Variants in NECTIN3 observed in about 807,000 individuals in gnomAD.
NECTIN3 encodes nectin cell adhesion molecule 3.
In NECTIN3, 8 loss-of-function variants were observed where a neutral mutation model predicts 49.4. The observed-to-expected ratio is 0.16, with a 90% CI of 0.10 to 0.29. NECTIN3 has a LOEUF of 0.29. NECTIN3 is among the 10% of genes least tolerant of loss of function. The pLI is 1.00. For synonymous variants in NECTIN3, 277 were observed against 241.1 expected (o/e 1.15, Z -1.38); for missense variants, 581 against 654.6 (o/e 0.89, Z 1.23).
At chr3:111,126,389 A>G (rs1258482887) in intron 5 of NECTIN3, 54 bp downstream of exon 5, 2 of 1,417,768 alleles carry the variant, frequency 1.4e-6, no homozygotes, top group African/African-American at 1.4e-5. Context: ...CTGAATAATC[A>G]TAGTAACAAT....
At chr3:111,171,944 G>A (rs940511680) in intron 7 of NECTIN3, among the ~76,000 whole-genome samples, 2 of 152,128 alleles carry the variant, frequency 1.3e-5, no homozygotes, top group African/African-American at 4.8e-5. Context: ...ACTGACAAGA[G>A]TTACCTAAAT....
At chr3:111,169,168 C>T (rs1172583852) in intron 7 of NECTIN3, among the ~76,000 whole-genome samples, 2 of 138,620 alleles carry the variant, frequency 1.4e-5, no homozygotes, top group Non-Finnish European at 3.0e-5. Context: ...TGGCTTACTG[C>T]AAGCTCCACC....
chr3:111,077,895 C>T (rs1261637818), intron 1 of NECTIN3, among the ~76,000 whole-genome samples: 1 of 151,992 alleles, frequency 6.6e-6, no homozygotes, highest in Non-Finnish European at 1.5e-5. Context: ...TAATGCAAGC[C>T]ATGTAATTTC....
intron 7 of NECTIN3, among the ~76,000 whole-genome samples, chr3:111,153,801 G>A (rs1052521729): frequency 6.6e-6 from 1 of 152,018 alleles, no homozygotes; most frequent in African/African-American, 2.4e-5. Context: ...TTGATTCATA[G>A]TAGTGTTTAG....
At position 111,085,466 on chromosome 3, in the gene NECTIN3, C is replaced by T. The variant is rs140308126; in HGVS notation, c.160+13289C>T. Among the ~76,000 whole-genome samples the T allele has an allele frequency of 2.6e-5, 4 of 152,184 alleles. No individual in the cohort carries two copies. In the East Asian group the frequency reaches 7.7e-4, roughly 29 times the overall value. On this transcript the variant is annotated intron_variant, in intron 1 of 5. Coordinates refer to ENST00000485303, the MANE Select transcript of NECTIN3 (RefSeq NM_015480.3). The stretch of plus-strand genomic sequence containing the variant: ...TCAGAAAAATACATACATAAATGTG[C>T]GGTTGGATGAACTGTTAAAATGTGA...
In NECTIN3 at chr3:111,136,240, A is replaced by G. The variant is rs1265255580; in HGVS notation, c.*2025A>G. 1 of 959,924 alleles carries G rather than the reference A, an allele frequency of 1.0e-6. No individual in the cohort carries two copies. Among genetic ancestry groups the G allele is most frequent in the East Asian group, 1.2e-4 (1 of 8,694 alleles). The allele number at this position is 959,924 out of a possible 1,614,324, so 59.5% of individuals were successfully genotyped here. On this transcript the variant is annotated 3_prime_UTR_variant, in exon 6 of 6. Transcript: ENST00000485303. Reference sequence around the variant, plus strand: ...CATTTAGGATTCTATATAAATCTCAACTGGAGTATAATCTGAAGGAAATTA... The same window carrying G: ...CATTTAGGATTCTATATAAATCTCAGCTGGAGTATAATCTGAAGGAAATTA...
At chr3:111,184,635 AT>A (rs1428474701) in intron 7 of NECTIN3, among the ~76,000 whole-genome samples, 17 of 152,106 alleles carry the variant, frequency 1.1e-4, no homozygotes, top group Admixed American at 1.1e-3. Context: ...AAGACATGTT[AT>A]TTCTGGTTTA....
At chr3:111,192,775 C>CGTTCCCCA (rs1311435232) in intron 1 of NECTIN3, among the ~76,000 whole-genome samples, 7 of 152,236 alleles carry the variant, frequency 4.6e-5, no homozygotes, top group Non-Finnish European at 8.8e-5. Flanking sequence ...TTGCTGTGTC[C>CGTTCCCCA]GTTCCCCAGT....
rs565708478 is a variant in NECTIN3 at position 111,094,246 on chromosome 3, CTT to C, written c.161-17783_161-17782del. On this transcript the variant is annotated intron_variant, in intron 1 of 5. Transcript: ENST00000485303. ...GTAATTTTTATTTTATGTCTATTGA[CTT>C]ATTTTATATTTACTATACTCTTATA... Among the ~76,000 whole-genome samples the C allele has an allele frequency of 2.5e-3, 386 of 151,816 alleles. 2 individuals carry two copies. Among genetic ancestry groups the C allele is most frequent in the African/African-American group, 8.7e-3 (361 of 41,420 alleles).
At chr3:111,108,387 G>T (rs2033303653) in intron 1 of NECTIN3, among the ~76,000 whole-genome samples, 1 of 151,842 alleles carries the variant, frequency 6.6e-6, no homozygotes, top group Admixed American at 6.6e-5. Context: ...ATACAATTTT[G>T]AACCAATGGG....
At position 111,071,989 on chromosome 3, in the gene NECTIN3, G is replaced by A; in HGVS notation, c.-29G>A. 7.1e-7 allele frequency: 1 copy of A among 1,417,264 alleles called. No homozygotes were observed. The highest frequency in any genetic ancestry group is 9.2e-7 in the Non-Finnish European group (1 of 1,082,614). 87.8% of individuals were successfully genotyped at this position (1,417,264 alleles called of 1,614,324 possible). On this transcript the variant is annotated 5_prime_UTR_variant, in exon 1 of 6. Coordinates refer to ENST00000485303, the MANE Select transcript of NECTIN3 (RefSeq NM_015480.3). ...GGGCCGGGGGAGCCGGGGGGCGGGC[G>A]GGCGAGCGGGCCGGGGGGAGGGTGG...
Position 111,135,828 on chromosome 3 carries a change from A to G in NECTIN3, c.*1613A>G. 1.1e-6 allele frequency: 1 copy of G among 929,392 alleles called. No individual in the cohort carries two copies. The highest frequency in any genetic ancestry group is 1.3e-6 in the Non-Finnish European group (1 of 779,412). The allele number at this position is 929,392 out of a possible 1,614,324, so 57.6% of individuals were successfully genotyped here. A position where few individuals can be genotyped will look rare whatever the true frequency, so the allele number is the denominator to read the frequency against. The stretch of plus-strand genomic sequence containing the variant: ...TTATAAACTAGTTTTCTTCATTTTA[A>G]CTAGCACTATTTTGTGGAAATTAGA... On this transcript the variant is annotated 3_prime_UTR_variant, in exon 6 of 6. Transcript: ENST00000485303.
intron 5 of NECTIN3, among the ~76,000 whole-genome samples, chr3:111,144,515 ATGTC>A (rs1024331560): frequency 1.3e-4 from 20 of 152,108 alleles, no homozygotes; most frequent in African/African-American, 4.3e-4. Context: ...AAAGTGCTAA[ATGTC>A]TGTATTACTG....
rs116472036 is a variant in NECTIN3, at chr3:111,078,436, A to C, written c.160+6259A>C. On this transcript the variant is annotated intron_variant, in intron 1 of 5. Coordinates refer to ENST00000485303, the MANE Select transcript of NECTIN3 (RefSeq NM_015480.3). The stretch of plus-strand genomic sequence containing the variant: ...CTAGTCTCAGAAGGTAGGTTTTTGG[A>C]AGAAAAAGTACCATGTTTTAATACA... Among the ~76,000 whole-genome samples, 217 of 152,280 alleles carry C rather than the reference A, an allele frequency of 1.4e-3. 2 individuals carry two copies. Among genetic ancestry groups the C allele is most frequent in the Non-Finnish European group, 2.4e-3 (166 of 68,000 alleles).
chr3:111,133,511 A>G, intron 5 of NECTIN3, 124 bp from the exon 6 acceptor site: 5 of 1,352,062 alleles, frequency 3.7e-6, no homozygotes, highest in Non-Finnish European at 3.9e-6. Context: ...TTAAGAATGA[A>G]AAACTATTGT....
At chr3:111,094,762 G>C (rs1228942782) in intron 1 of NECTIN3, among the ~76,000 whole-genome samples, 1 of 152,126 alleles carries the variant, frequency 6.6e-6, no homozygotes, top group Non-Finnish European at 1.5e-5. Flanking sequence ...CAGTGCACAG[G>C]GTTTTCATTT....
chr3:111,136,471 G>T lies in NECTIN3; in HGVS notation c.*2256G>T, dbSNP rs1009850982. On this transcript the variant is annotated 3_prime_UTR_variant, in exon 6 of 6. Transcript: ENST00000485303. ...TCATTTGGCAAACTAAAAGGTTTCTGTGTTGTAAGAATCTGATACTAGTGC... is the reference window on the plus strand; with the variant it reads ...TCATTTGGCAAACTAAAAGGTTTCTTTGTTGTAAGAATCTGATACTAGTGC... 3.7e-5 allele frequency: 36 copies of T among 983,860 alleles called. No individual in the cohort carries two copies. In the African/African-American group the frequency reaches 5.8e-4, roughly 16 times the overall value. The allele number at this position is 983,860 out of a possible 1,614,324, so 60.9% of individuals were successfully genotyped here.
intron 1 of NECTIN3, among the ~76,000 whole-genome samples, chr3:111,080,993 A>G (rs867653950): frequency 6.6e-6 from 1 of 152,194 alleles, no homozygotes; most frequent in Non-Finnish European, 1.5e-5. Context: ...TATTTAAAAC[A>G]CAAAGCAGGC....
At chr3:111,179,424 C>G (rs991449315) in intron 7 of NECTIN3, among the ~76,000 whole-genome samples, 1 of 152,150 alleles carries the variant, frequency 6.6e-6, no homozygotes, top group African/African-American at 2.4e-5. Context: ...GCAATGATAG[C>G]TTTTCAGTAA....
Sources: gnomAD v4.1 joint callset for allele counts (sites outside exome capture counted in the v4.1 genomes callset) on GRCh38, gnomAD v4.1.1 for gene constraint, MANE v1.5 for transcripts, NCBI Gene and HGNC (gene_info 2026-07-23, HGNC 2026-07-21) for gene names.